The following GRAP2 variants were observed in gnomAD, a reference collection of about 807,000 sequenced individuals.
GRAP2 encodes GRB2 related adaptor protein 2.
Under a neutral mutation model 43.5 loss-of-function variants are expected in GRAP2, and 31 were observed. The observed-to-expected ratio is 0.71, with a 90% CI of 0.54 to 0.96. GRAP2 has a LOEUF of 0.96. GRAP2 is among the 40% of genes least tolerant of loss of function. The probability of loss-of-function intolerance (pLI) is 0.00; values close to 1 mark genes in which losing one functional copy is unlikely to be tolerated. For missense variants in GRAP2, 371 were observed against 424.4 expected (o/e 0.87, Z 1.11); for synonymous variants, 156 against 164.8 (o/e 0.95, Z 0.41).
chr22:39,953,274 C>T (rs1479875624), intron 2 of GRAP2, among the ~76,000 whole-genome samples: 1 of 152,098 alleles, frequency 6.6e-6, no homozygotes, highest in African/African-American at 2.4e-5. Flanking sequence ...TCACAGTCAC[C>T]CGCATGCAAT....
In GRAP2 at chr22:39,969,329, T is replaced by A. The variant is rs908357172; in HGVS notation, c.691-82T>A. The A allele has an allele frequency of 1.5e-5, 22 of 1,458,378 alleles. No individual in the cohort carries two copies. The African/African-American group carries it at 2.2e-4, about 15-fold the overall frequency. The allele number at this position is 1,458,378 out of a possible 1,614,324, so 90.3% of individuals were successfully genotyped here. A position where few individuals can be genotyped will look rare whatever the true frequency, so the allele number is the denominator to read the frequency against. On this transcript the variant is annotated intron_variant, in intron 6 of 7. Transcript: ENST00000344138. ...TCCTGGAATATACCGGCTCTGTGGATGGCATCTGAGCAAGGCACTGGGGGA... is the reference window on the plus strand; with the variant it reads ...TCCTGGAATATACCGGCTCTGTGGAAGGCATCTGAGCAAGGCACTGGGGGA...
At chr22:39,908,412 A>G (rs569591606) in intron 1 of GRAP2, among the ~76,000 whole-genome samples, 4 of 152,264 alleles carry the variant, frequency 2.6e-5, no homozygotes, top group East Asian at 3.9e-4. Context: ...GTGCTCTGCA[A>G]TGGGCAGACA....
At chr22:39,954,340 C>T (rs1206268432) in intron 2 of GRAP2, among the ~76,000 whole-genome samples, 1 of 152,104 alleles carries the variant, frequency 6.6e-6, no homozygotes, top group Non-Finnish European at 1.5e-5. Flanking sequence ...GAGTTCTTTC[C>T]ATCTTTTGCT....
chr22:39,907,271 T>C (rs2066529682), intron 1 of GRAP2, among the ~76,000 whole-genome samples: 1 of 152,122 alleles, frequency 6.6e-6, no homozygotes, highest in Non-Finnish European at 1.5e-5. Flanking sequence ...CAACGAAAAC[T>C]ATGAAAACTC....
upstream of GRAP2, among the ~76,000 whole-genome samples, chr22:39,897,459 C>T (rs137956): frequency 0.66 from 99,655 of 151,514 alleles, 34,399 homozygotes; most frequent in African/African-American, 0.89. Flanking sequence ...TCCCACCACT[C>T]ACATCATCCT....
chr22:39,943,255 TG>T (rs1488853959), intron 1 of GRAP2, among the ~76,000 whole-genome samples: 1 of 152,208 alleles, frequency 6.6e-6, no homozygotes, highest in Non-Finnish European at 1.5e-5. Flanking sequence ...TCATCCTCTG[TG>T]GTGGCTATAT....
intron 1 of GRAP2, among the ~76,000 whole-genome samples, chr22:39,918,080 A>C (rs1488795732): frequency 6.6e-6 from 1 of 152,206 alleles, no homozygotes; most frequent in African/African-American, 2.4e-5. Context: ...CAGAGAATGA[A>C]TATTCTGTAA....
intron 2 of GRAP2, among the ~76,000 whole-genome samples, chr22:39,950,220 C>T (rs373768068): frequency 1.4e-4 from 22 of 152,180 alleles, no homozygotes; most frequent in African/African-American, 4.6e-4. Context: ...CACTCCCTAC[C>T]ATCCCAGGGA....
In GRAP2 at chr22:39,960,087, C is replaced by T; in HGVS notation, c.203C>T (p.Ala68Val). ...WFHEGLSRHQ[A>V]ENLLMGKEVG... ...CACGAAGGCCTCTCTCGACACCAGG[C>T]AGAGAACTTACTCATGGGCAAGGAG... The change falls in exon 4 of 8, where the codon GCA (alanine) becomes GTA (valine). Residue 68 changes from alanine to valine, a missense_variant. Transcript: ENST00000344138. 1 of 1,612,464 alleles carries T rather than the reference C, an allele frequency of 6.2e-7. No individual in the cohort carries two copies. The highest frequency in any genetic ancestry group is 8.5e-7 in the Non-Finnish European group (1 of 1,178,434).
Position 39,968,058 on chromosome 22 carries a change from G to A in GRAP2, c.476G>A (p.Ser159Asn), listed in dbSNP as rs146304501. 3.7e-6 allele frequency: 6 copies of A among 1,612,596 alleles called. No individual in the cohort carries two copies. The African/African-American group carries it at 8.0e-5, about 22-fold the overall frequency. ...TREDQGHRGNSLDRRSQGGPH... is the reference protein window; with the variant it reads ...TREDQGHRGNNLDRRSQGGPH... ...TTCTCCCAGGGTCACCGGGGCAACA[G>A]CCTGGACCGGAGGTCCCAGGGAGGC... The change falls in exon 6 of 8, where the codon AGC becomes AAC. Residue 159 changes from serine (S) to asparagine (N), a missense_variant. By Grantham distance (46) the Ser-to-Asn change is conservative. Transcript: ENST00000344138.
At chr22:39,926,360 A>G (rs879302678) in intron 1 of GRAP2, among the ~76,000 whole-genome samples, 5 of 149,962 alleles carry the variant, frequency 3.3e-5, no homozygotes, top group Non-Finnish European at 7.3e-5. Context: ...CACACGCAGC[A>G]GAGAGTGTGC....
At chr22:39,937,073 G>A (rs2066813913) in intron 1 of GRAP2, among the ~76,000 whole-genome samples, 1 of 152,186 alleles carries the variant, frequency 6.6e-6, no homozygotes, top group Non-Finnish European at 1.5e-5. Context: ...CAACAGACAT[G>A]TACTGAAATC....
At chr22:39,899,335 C>T (rs1292012191), upstream of GRAP2, among the ~76,000 whole-genome samples, 1 of 152,180 alleles carries the variant, frequency 6.6e-6, no homozygotes, top group Non-Finnish European at 1.5e-5. Flanking sequence ...CATGTAACAC[C>T]ATTCAACATT....
chr22:39,900,985 G>T (rs1031265527), upstream of GRAP2: 29 of 248,326 alleles, frequency 1.2e-4, no homozygotes, highest in Admixed American at 2.1e-4. Context: ...CTGCATTTTA[G>T]TTCAACTCTG....
intron 7 of GRAP2, among the ~76,000 whole-genome samples, 179 bp downstream of exon 7, chr22:39,969,712 G>A (rs947792447): frequency 3.3e-5 from 5 of 152,096 alleles, no homozygotes; most frequent in Non-Finnish European, 7.4e-5. Context: ...TCAGGAGTTC[G>A]AGACCAGCCT....
At chr22:39,926,447 AC>A (rs2066699299) in intron 1 of GRAP2, 1 of 213,598 alleles carries the variant, frequency 4.7e-6, no homozygotes, top group Non-Finnish European at 8.0e-6. Flanking sequence ...AGAACCAAGA[AC>A]CAAAAATGAC....
chr22:39,911,646 T>C (rs913787755), intron 1 of GRAP2, among the ~76,000 whole-genome samples: 4 of 152,060 alleles, frequency 2.6e-5, no homozygotes, highest in African/African-American at 9.7e-5. Context: ...TATAGACAGG[T>C]GCAGGGAACA....
At chr22:39,932,327 A>G (rs1204255319) in intron 1 of GRAP2, among the ~76,000 whole-genome samples, 1 of 152,106 alleles carries the variant, frequency 6.6e-6, no homozygotes, top group Admixed American at 6.5e-5. Context: ...TGACAACCCT[A>G]CTTGGTGAGG....
At chr22:39,896,037 A>C in the GRAP2 span, among the ~76,000 whole-genome samples, 1 of 152,202 alleles carries the variant, frequency 6.6e-6, no homozygotes, top group Non-Finnish European at 1.5e-5. Context: ...CCTTGATTTT[A>C]AGCTCTATCA....
Sources: gnomAD v4.1 joint callset for allele counts (sites outside exome capture counted in the v4.1 genomes callset) on GRCh38, gnomAD v4.1.1 for gene constraint, MANE v1.5 for transcripts, NCBI Gene and HGNC (gene_info 2026-07-23, HGNC 2026-07-21) for gene names.